NR2F6: variants seen among roughly 807,000 people sequenced by gnomAD.
NR2F6 encodes ERBA-related gene-2.
NR2F6 carries 16 observed loss-of-function variants against 26.5 expected under a neutral mutation model. The ratio of observed to expected loss-of-function variants is 0.60; its 90% CI spans 0.41 to 0.92. The LOEUF (loss-of-function observed/expected upper bound fraction) is 0.92. Among genes scored for constraint, NR2F6 ranks in the 40% least tolerant of loss-of-function variants. The probability of loss-of-function intolerance (pLI) is 0.00; values close to 1 mark genes in which losing one functional copy is unlikely to be tolerated. For synonymous variants in NR2F6, 325 were observed against 305.0 expected, an observed-to-expected ratio of 1.07 and a Z score of -0.68; for missense variants, 536 against 631.7, an observed-to-expected ratio of 0.85 and a Z score of 1.62.
intron 3 of NR2F6, among the ~76,000 whole-genome samples, chr19:17,234,018 T>G (rs1599452619): frequency 6.6e-6 from 1 of 150,734 alleles, no homozygotes; most frequent in Non-Finnish European, 1.5e-5. Flanking sequence ...AGGTCAGGAG[T>G]TCGAGATCAG....
chr19:17,232,478 G>T lies in NR2F6; in HGVS notation c.1089C>A (p.Val363=), dbSNP rs780423795. ...ACAGCTGGGAGATGAGGGAGGCAGG[G>T]ACCGCGCGCAGGGCGGGGAGCCGCA... ...LLLRLPALRA[V]PASLISQLFF... is the part of the protein sequence containing the mutation. Residue 363 remains valine, a synonymous_variant, in exon 4 of 4, where the codon GTC becomes GTA. Coordinates refer to ENST00000291442, the MANE Select transcript of NR2F6 (RefSeq NM_005234.4). The T allele has an allele frequency of 3.7e-6, 6 of 1,613,328 alleles. No individual in the cohort carries two copies. In the Admixed American group the frequency reaches 1.0e-4, roughly 27 times the overall value.
Position 17,240,672 on chromosome 19 carries a change from C to G in NR2F6, c.372G>C (p.Glu124Asp). Reference protein sequence around the residue: ...KKCFRVGMRKEAVQRGRIPHS... With the variant: ...KKCFRVGMRKDAVQRGRIPHS... ...AGTGTGTCCCCAGCACGTACTCACC[C>G]TCCTTCCTCATGCCCACCCGGAAGC... The change falls in exon 2 of 4, where the codon GAG becomes GAC. Residue 124 changes from glutamate (E) to aspartate (D), a missense_variant and splice_region_variant. Glu to Asp is a conservative substitution (Grantham distance 45). Coordinates refer to ENST00000291442, the MANE Select transcript of NR2F6 (RefSeq NM_005234.4). The G allele has an allele frequency of 6.2e-7, 1 of 1,614,216 alleles. No individual in the cohort carries two copies. Among genetic ancestry groups the G allele is most frequent in the Non-Finnish European group, 8.5e-7 (1 of 1,180,024 alleles).
At chr19:17,243,661 G>A (rs1197027857) in intron 1 of NR2F6, among the ~76,000 whole-genome samples, 2 of 152,180 alleles carry the variant, frequency 1.3e-5, no homozygotes, top group African/African-American at 4.8e-5. Flanking sequence ...TGCCACACAT[G>A]GCCACACCAG....
chr19:17,240,887 A>T (rs2073465823), intron 1 of NR2F6, 122 bp from the exon 2 acceptor site: 1 of 915,590 alleles, frequency 1.1e-6, no homozygotes, highest in Non-Finnish European at 1.7e-6. Flanking sequence ...TAGACTGGAG[A>T]GGTAGCCCCA....
At chr19:17,244,454 T>A (rs2073485639) in intron 1 of NR2F6, 2 of 153,586 alleles carry the variant, frequency 1.3e-5, no homozygotes, top group African/African-American at 4.8e-5. Context: ...CACAGCGACT[T>A]TGGAAGTGAT....
chr19:17,244,862 C>A, intron 1 of NR2F6, 81 bp downstream of exon 1: 1 of 1,499,764 alleles, frequency 6.7e-7, no homozygotes, highest in South Asian at 1.2e-5. Context: ...CAGCGCCAGG[C>A]CCAAGGTGAC....
chr19:17,242,389 C>T (rs911056788), intron 1 of NR2F6, among the ~76,000 whole-genome samples: 29 of 152,128 alleles, frequency 1.9e-4, no homozygotes, highest in African/African-American at 6.3e-4. Flanking sequence ...CCTCAGGTGG[C>T]GACTGCCCCA....
chr19:17,232,850 A>G (rs1162261148), intron 3 of NR2F6, among the ~76,000 whole-genome samples: 1 of 152,114 alleles, frequency 6.6e-6, no homozygotes, highest in African/African-American at 2.4e-5. Context: ...CTTCTCTGCA[A>G]AAACAAATCA....
chr19:17,240,789 C>T (rs775087253), intron 1 of NR2F6, 24 bp from the exon 2 acceptor site: 1 of 1,609,934 alleles, frequency 6.2e-7, no homozygotes, highest in Admixed American at 1.7e-5. Flanking sequence ...GAAGCCAGGG[C>T]TCCCTGAGAC....
At chr19:17,239,020 C>T (rs1329959013) in intron 2 of NR2F6, among the ~76,000 whole-genome samples, 10 of 151,732 alleles carry the variant, frequency 6.6e-5, no homozygotes, top group South Asian at 2.1e-4. Context: ...CTGGCCAACA[C>T]GGTGAAACAC....
At chr19:17,236,320 T>C (rs112046111) in intron 2 of NR2F6, among the ~76,000 whole-genome samples, 10,267 of 138,142 alleles carry the variant, frequency 0.074, 421 homozygotes, top group African/African-American at 0.098. Context: ...GGGGGGCAGG[T>C]AGGGAGAATA....
intron 2 of NR2F6, among the ~76,000 whole-genome samples, chr19:17,236,911 A>G (rs1245290723): frequency 6.6e-6 from 1 of 152,226 alleles, no homozygotes; most frequent in Non-Finnish European, 1.5e-5. Context: ...CAGGTGGGTG[A>G]GAAAAGGGAA....
At chr19:17,238,706 G>A (rs1439059853) in intron 2 of NR2F6, among the ~76,000 whole-genome samples, 3 of 152,168 alleles carry the variant, frequency 2.0e-5, no homozygotes, top group Admixed American at 2.0e-4. Context: ...CACAGGGAGT[G>A]ATCAGTTTTA....
At position 17,244,928 on chromosome 19, in the gene NR2F6, G is replaced by A. The variant is rs779701079; in HGVS notation, c.278+15C>T. 2 of 1,561,752 alleles carry A rather than the reference G, an allele frequency of 1.3e-6. No homozygotes were observed. Among genetic ancestry groups the A allele is most frequent in the East Asian group, 2.3e-5 (1 of 42,644 alleles). On this transcript the variant is annotated intron_variant, in intron 1 of 3. Transcript: ENST00000291442. ...GGCGGGGTGCACGGCGGCGGCGCGC[G>A]GATGGGGGGCTCACCGGCAGGTGTA... is the stretch of plus-strand genomic sequence containing the variant.
At position 17,232,553 on chromosome 19, in the gene NR2F6, A is replaced by G; in HGVS notation, c.1014T>C (p.Tyr338=). 6.3e-7 allele frequency: 1 copy of G among 1,599,510 alleles called. No individual in the cohort carries two copies. The highest frequency in any genetic ancestry group is 8.5e-7 in the Non-Finnish European group (1 of 1,171,520). The change falls in exon 4 of 4, where the codon TAT becomes TAC. Residue 338 remains tyrosine, a synonymous_variant. Transcript: ENST00000291442. ...GCTGGGACGGGTACTGCGCCCGCAC[A>G]TACTCGGTGAGGGCCACCTGCGCCT... The part of the protein sequence containing the change: ...QEKAQVALTE[Y]VRAQYPSQPQ...
Position 17,232,323 on chromosome 19 carries a change from T to G in NR2F6, c.*29A>C. ...GTCCCTTGAGGTCTGTCTGCAGGCC[T>G]GGCCACAGCACACGTGGCCCCGTCA... On this transcript the variant is annotated 3_prime_UTR_variant, in exon 4 of 4. Coordinates refer to ENST00000291442, the MANE Select transcript of NR2F6 (RefSeq NM_005234.4). 1 of 1,613,580 alleles carries G rather than the reference T, an allele frequency of 6.2e-7. No individual in the cohort carries two copies. The highest frequency in any genetic ancestry group is 8.5e-7 in the Non-Finnish European group (1 of 1,179,942).
At chr19:17,237,286 T>C (rs1248644765) in intron 2 of NR2F6, among the ~76,000 whole-genome samples, 6 of 152,144 alleles carry the variant, frequency 3.9e-5, no homozygotes, top group Non-Finnish European at 8.8e-5. Context: ...TTCACTGGGT[T>C]GTGAGCAACC....
At chr19:17,233,066 G>A (rs918307928) in intron 3 of NR2F6, among the ~76,000 whole-genome samples, 3 of 152,194 alleles carry the variant, frequency 2.0e-5, no homozygotes, top group Non-Finnish European at 4.4e-5. Context: ...AGGATCGCTT[G>A]AGCCTGGGAG....
At chr19:17,237,204 T>A (rs906291243) in intron 2 of NR2F6, among the ~76,000 whole-genome samples, 1 of 152,140 alleles carries the variant, frequency 6.6e-6, no homozygotes, top group Non-Finnish European at 1.5e-5. Flanking sequence ...CTGAGTCAAC[T>A]GTCAAATGGG....
Sources: allele counts gnomAD v4.1 joint callset (sites outside exome capture counted in the v4.1 genomes callset), GRCh38; gene constraint gnomAD v4.1.1; transcripts MANE v1.5; gene names NCBI Gene and HGNC (gene_info 2026-07-23, HGNC 2026-07-21).